The following COG3 variants were observed in gnomAD, a reference collection of about 807,000 sequenced individuals.
COG3 encodes the protein component of oligomeric golgi complex 3.
COG3 carries 32 observed loss-of-function variants against 114.1 expected under a neutral mutation model. The ratio of observed to expected loss-of-function variants is 0.28; its 90% CI spans 0.21 to 0.38. The LOEUF (loss-of-function observed/expected upper bound fraction) is 0.38, where lower values mean the gene tolerates loss of function less well. COG3 is among the 10% of genes least tolerant of loss of function. COG3 has a pLI of 1.00. For missense variants in COG3, 813 were observed against 973.2 expected (o/e 0.84, Z 2.19); for synonymous variants, 352 against 365.7 (o/e 0.96, Z 0.43).
intron 14 of COG3, among the ~76,000 whole-genome samples, chr13:45,508,384 T>TATA (rs1566262449): frequency 3.0e-5 from 1 of 33,266 alleles, no homozygotes; most frequent in Non-Finnish European, 8.0e-5. Context: ...TTATATATAT[T>TATA]TTTATATATA....
intron 15 of COG3, among the ~76,000 whole-genome samples, chr13:45,510,048 C>A (rs1390414720): frequency 6.6e-6 from 1 of 152,052 alleles, no homozygotes; most frequent in African/African-American, 2.4e-5. Context: ...AAATTGTGGG[C>A]AAATTTTGCA....
intron 19 of COG3, 90 bp from the exon 20 acceptor site, chr13:45,524,886 C>T: frequency 2.4e-6 from 2 of 827,638 alleles, no homozygotes; most frequent in South Asian, 3.4e-5. Flanking sequence ...GTTGTGTATC[C>T]CTTGAGAGCA....
chr13:45,505,583 G>A lies in COG3; in HGVS notation c.1594+2234G>A, dbSNP rs575692820. Among the ~76,000 whole-genome samples the A allele has an allele frequency of 7.9e-5, 12 of 151,974 alleles. 1 individual carries two copies. In the South Asian group the frequency reaches 2.5e-3, roughly 32 times the overall value. On this transcript the variant is annotated intron_variant, in intron 14 of 22. Coordinates refer to ENST00000349995, the MANE Select transcript of COG3 (RefSeq NM_031431.4). Reference sequence around the variant, plus strand: ...GCCTCCTAAAGTGCTGGGATTACAGGCGTGAGCCACTGCGCCTGACCAATC... The same window carrying A: ...GCCTCCTAAAGTGCTGGGATTACAGACGTGAGCCACTGCGCCTGACCAATC...
In COG3 at chr13:45,534,733, C is replaced by G; in HGVS notation, c.*2C>G. 1 of 1,561,210 alleles carries G rather than the reference C, an allele frequency of 6.4e-7. No homozygotes were observed. Among genetic ancestry groups the G allele is most frequent in the South Asian group, 1.2e-5 (1 of 84,116 alleles). ...CTTCTGCTGTTGGTTTCTAAATAAG[C>G]AGGCCAGCCGGGCTGTGCACCTAAA... On this transcript the variant is annotated 3_prime_UTR_variant, in exon 23 of 23. Transcript: ENST00000349995.
intron 19 of COG3, among the ~76,000 whole-genome samples, chr13:45,523,231 A>G (rs1235123032): frequency 6.6e-6 from 1 of 151,906 alleles, no homozygotes; most frequent in Admixed American, 6.6e-5. Flanking sequence ...CTTTCAAGTA[A>G]TTTGATTATT....
chr13:45,529,317 A>G (rs1044638595), intron 20 of COG3, among the ~76,000 whole-genome samples: 2 of 152,178 alleles, frequency 1.3e-5, no homozygotes, highest in Admixed American at 6.5e-5. Flanking sequence ...ATACAGTATA[A>G]GAATATAACA....
In COG3 at chr13:45,516,164, T is replaced by C; in HGVS notation, c.1831T>C (p.Phe611Leu). Reference protein sequence around the residue: ...KNKTQIDGQLFLIKHLLILRE... With the variant: ...KNKTQIDGQLLLIKHLLILRE... Reference sequence around the variant, plus strand: ...TTAGACTCAGATTGATGGACAACTTTTCTTAATTAAGCACCTTTTGATACT... The same window carrying C: ...TTAGACTCAGATTGATGGACAACTTCTCTTAATTAAGCACCTTTTGATACT... Residue 611 changes from phenylalanine (F) to leucine (L), a missense_variant, in exon 17 of 23, where the codon TTC becomes CTC. Around this residue, in one of 2 missense-constraint regions of COG3, gnomAD observed 389 missense variants for 542.6 expected, o/e 0.72. Transcript: ENST00000349995. 1 of 1,576,484 alleles carries C rather than the reference T, an allele frequency of 6.3e-7. No individual in the cohort carries two copies. The highest frequency in any genetic ancestry group is 8.7e-7 in the Non-Finnish European group (1 of 1,154,494).
chr13:45,471,431 A>C (rs986579132), intron 1 of COG3, among the ~76,000 whole-genome samples: 3 of 152,128 alleles, frequency 2.0e-5, no homozygotes, highest in East Asian at 3.9e-4. Flanking sequence ...AAAAACACCC[A>C]AAACAGTATT....
At chr13:45,486,166 C>T (rs376939150) in intron 7 of COG3, among the ~76,000 whole-genome samples, 68 of 144,188 alleles carry the variant, frequency 4.7e-4, no homozygotes, top group Middle Eastern at 3.4e-3. Flanking sequence ...TCAGGCGTGG[C>T]GGTGCGTGCC....
chr13:45,529,960 C>T, intron 21 of COG3, 42 bp downstream of exon 21: 1 of 1,570,390 alleles, frequency 6.4e-7, no homozygotes, highest in African/African-American at 1.4e-5. Flanking sequence ...CGGGTGACTT[C>T]AAGTATTCTT....
intron 14 of COG3, among the ~76,000 whole-genome samples, chr13:45,504,367 G>T (rs997005992): frequency 3.3e-5 from 5 of 152,192 alleles, no homozygotes; most frequent in Admixed American, 2.0e-4. Context: ...CCCATACCAT[G>T]TCCTAGTATA....
At chr13:45,483,536 C>A (rs1299460601) in intron 7 of COG3, among the ~76,000 whole-genome samples, 181 bp downstream of exon 7, 1 of 152,048 alleles carries the variant, frequency 6.6e-6, no homozygotes, top group Admixed American at 6.6e-5. Context: ...TATAAATATC[C>A]CTTGCAAATG....
intron 4 of COG3, among the ~76,000 whole-genome samples, chr13:45,480,890 G>A (rs542119302): frequency 6.6e-6 from 1 of 152,310 alleles, no homozygotes; most frequent in Admixed American, 6.5e-5. Flanking sequence ...AAGAAGCATA[G>A]TGATTGTACC....
intron 11 of COG3, among the ~76,000 whole-genome samples, chr13:45,493,057 T>C (rs1170064652): frequency 1.3e-5 from 2 of 152,186 alleles, no homozygotes; most frequent in African/African-American, 4.8e-5. Flanking sequence ...AAAGGACATA[T>C]AGAAAATTAT....
chr13:45,500,906 T>C (rs1456116316), intron 13 of COG3, among the ~76,000 whole-genome samples: 1 of 152,236 alleles, frequency 6.6e-6, no homozygotes, highest in Non-Finnish European at 1.5e-5. Context: ...AGTGTTGTCA[T>C]GAGTATTTCA....
At chr13:45,470,917 C>G (rs899567397) in intron 1 of COG3, among the ~76,000 whole-genome samples, 5 of 152,208 alleles carry the variant, frequency 3.3e-5, no homozygotes, top group Non-Finnish European at 7.3e-5. Context: ...GAAAGTGTAC[C>G]TGTGGTGCCG....
At chr13:45,528,508 A>G (rs1440186466) in intron 20 of COG3, among the ~76,000 whole-genome samples, 1 of 152,166 alleles carries the variant, frequency 6.6e-6, no homozygotes, top group Non-Finnish European at 1.5e-5. Flanking sequence ...ATGGTATATT[A>G]TTTGAACTAT....
chr13:45,498,705 G>C (rs1869124154), intron 13 of COG3, among the ~76,000 whole-genome samples: 1 of 148,668 alleles, frequency 6.7e-6, no homozygotes, highest in Non-Finnish European at 1.5e-5. Context: ...GTCTTATCCT[G>C]TGCTAGCACC....
chr13:45,525,185 T>G, intron 20 of COG3, 134 bp downstream of exon 20: 1 of 598,928 alleles, frequency 1.7e-6, no homozygotes, highest in Non-Finnish European at 2.8e-6. Context: ...AATGCAGGAT[T>G]CAATTTGGAG....
Sources: gnomAD v4.1 joint callset for allele counts (sites outside exome capture counted in the v4.1 genomes callset) on GRCh38, gnomAD v4.1.1 for gene constraint, gnomAD v4.1.1 regional missense constraint, MANE v1.5 for transcripts, NCBI Gene and HGNC (gene_info 2026-07-23, HGNC 2026-07-21) for gene names.